Variants in ARHGAP6 observed in about 807,000 individuals in gnomAD.
ARHGAP6 encodes the protein Rho GTPase activating protein 6.
In ARHGAP6, 16 loss-of-function variants were observed where a neutral mutation model predicts 55.7. The ratio of observed to expected loss-of-function variants is 0.29; its 90% CI spans 0.19 to 0.44. ARHGAP6 has a LOEUF of 0.44. ARHGAP6 is among the 20% of genes least tolerant of loss of function. The probability of loss-of-function intolerance (pLI) is 1.00; values close to 1 mark genes in which losing one functional copy is unlikely to be tolerated. For missense variants in ARHGAP6, 698 were observed against 808.9 expected, an observed-to-expected ratio of 0.86 and a Z score of 1.66; for synonymous variants, 382 against 360.9, an observed-to-expected ratio of 1.06 and a Z score of -0.66.
intron 1 of ARHGAP6, among the ~76,000 whole-genome samples, chrX:11,362,520 G>C (rs1232151372): frequency 1.8e-5 from 2 of 109,738 alleles, no homozygotes; most frequent in Non-Finnish European, 3.8e-5. Context: ...TGGCGGAAGG[G>C]GGGAGGGTTA....
At chrX:11,250,469 G>A in intron 2 of ARHGAP6, among the ~76,000 whole-genome samples, 1 of 111,411 alleles carries the variant, frequency 9.0e-6, no homozygotes, top group East Asian at 2.8e-4. Context: ...TCATCTTACA[G>A]TTCTGGAGGC....
chrX:11,350,845 A>G (rs958743577), intron 1 of ARHGAP6, among the ~76,000 whole-genome samples: 6 of 110,602 alleles, frequency 5.4e-5, no homozygotes, highest in South Asian at 7.6e-4. Context: ...AATCTTTTTA[A>G]AGAAATTATG....
chrX:11,568,666 A>G (rs2051475437), intron 1 of ARHGAP6, among the ~76,000 whole-genome samples: 1 of 109,157 alleles, frequency 9.2e-6, no homozygotes, highest in Admixed American at 9.9e-5. Flanking sequence ...CCAAGACACG[A>G]GAATCTCTTG....
intron 1 of ARHGAP6, among the ~76,000 whole-genome samples, chrX:11,646,694 G>A (rs1313956123): frequency 8.9e-6 from 1 of 111,777 alleles, no homozygotes; most frequent in Non-Finnish European, 1.9e-5. Flanking sequence ...CAACTGGGGA[G>A]AGAAATAACA....
intron 1 of ARHGAP6, chrX:11,335,835 T>TAAAA (rs1569304653): frequency 3.4e-4 from 82 of 240,944 alleles, no homozygotes; most frequent in African/African-American, 2.1e-3. Flanking sequence ...GCAGAGGCCA[T>TAAAA]GGTGGGGAGG....
intron 1 of ARHGAP6, among the ~76,000 whole-genome samples, chrX:11,504,915 TCTC>T (rs1308880274): frequency 1.8e-5 from 2 of 112,429 alleles, no homozygotes; most frequent in Non-Finnish European, 3.8e-5. Context: ...TTTTTGTACT[TCTC>T]CTCCTTAGAC....
Position 11,157,852 on chromosome X carries a change from C to G in ARHGAP6, c.1810-1226G>C, listed in dbSNP as rs567757866. Among the ~76,000 whole-genome samples the G allele has an allele frequency of 2.7e-5, 3 of 112,000 alleles. No homozygotes were observed. In the South Asian group the frequency reaches 1.1e-3, roughly 42 times the overall value. ...TCTGTCTCTTACAAATCTGTTCCTC[C>G]TACTTTATCGTGAACCTTCATTAAT... On this transcript the variant is annotated intron_variant, in intron 9 of 12. Coordinates refer to ENST00000337414, the MANE Select transcript of ARHGAP6 (RefSeq NM_013427.3).
At chrX:11,630,114 T>G (rs2052344440) in intron 1 of ARHGAP6, among the ~76,000 whole-genome samples, 2 of 111,101 alleles carry the variant, frequency 1.8e-5, no homozygotes, top group South Asian at 7.7e-4. Flanking sequence ...GGAAAGCTTT[T>G]GGGATAGGAT....
At chrX:11,322,395 G>A (rs1172535262) in intron 1 of ARHGAP6, among the ~76,000 whole-genome samples, 1 of 110,051 alleles carries the variant, frequency 9.1e-6, no homozygotes, top group East Asian at 2.8e-4. Flanking sequence ...TTTCACTCTT[G>A]TTGTCCAGGC....
chrX:11,299,742 A>C (rs2048145334), intron 1 of ARHGAP6, among the ~76,000 whole-genome samples: 1 of 111,919 alleles, frequency 8.9e-6, no homozygotes, highest in African/African-American at 3.2e-5. Flanking sequence ...TATACATGTT[A>C]TTGATGATTT....
chrX:11,205,953 T>C (rs1318278543), intron 2 of ARHGAP6, among the ~76,000 whole-genome samples: 2 of 112,225 alleles, frequency 1.8e-5, no homozygotes, highest in Non-Finnish European at 1.9e-5. Flanking sequence ...AGCTATTAGA[T>C]AGACGAATAA....
intron 5 of ARHGAP6, among the ~76,000 whole-genome samples, chrX:11,183,851 T>C (rs1433431464): frequency 8.9e-6 from 1 of 112,430 alleles, no homozygotes; most frequent in Non-Finnish European, 1.9e-5. Flanking sequence ...GTACTTCCTT[T>C]GGGAGCATGA....
rs1186911862 is a variant in ARHGAP6 at position 11,138,843 on chromosome X, G to A, written c.*20C>T. 8.6e-7 allele frequency: 1 copy of A among 1,166,841 alleles called. No individual in the cohort carries two copies. Among genetic ancestry groups the A allele is most frequent in the African/African-American group, 1.8e-5 (1 of 56,884 alleles). ...GAGGGCGGGGGGCTCGGGGCAGGGG[G>A]GGCTCGGCTGGGTGCGGGCTCAGAC... On this transcript the variant is annotated 3_prime_UTR_variant, in exon 13 of 13. Transcript: ENST00000337414.
chrX:11,569,587 C>T (rs753361637), intron 1 of ARHGAP6, among the ~76,000 whole-genome samples: 3 of 111,942 alleles, frequency 2.7e-5, no homozygotes, highest in East Asian at 2.8e-4. Context: ...TGGACCACTG[C>T]GCATTTCCAT....
chrX:11,445,501 C>T (rs2050083965), intron 1 of ARHGAP6, among the ~76,000 whole-genome samples: 2 of 111,998 alleles, frequency 1.8e-5, no homozygotes, highest in African/African-American at 3.2e-5. Flanking sequence ...ACACACATTG[C>T]CCCTTCCCTC....
At chrX:11,468,066 G>A (rs1045041969) in intron 1 of ARHGAP6, among the ~76,000 whole-genome samples, 4 of 110,707 alleles carry the variant, frequency 3.6e-5, no homozygotes, top group Non-Finnish European at 7.6e-5. Context: ...TGGTGGTAGA[G>A]GTCAGAATAT....
chrX:11,512,072 C>T (rs149700214), intron 1 of ARHGAP6, among the ~76,000 whole-genome samples: 79 of 111,256 alleles, frequency 7.1e-4, no homozygotes, highest in Non-Finnish European at 1.3e-3. Context: ...GTGATCTGTC[C>T]GCCTTGGCCT....
At chrX:11,189,362 G>A (rs981511056) in intron 3 of ARHGAP6, among the ~76,000 whole-genome samples, 2 of 111,947 alleles carry the variant, frequency 1.8e-5, no homozygotes, top group African/African-American at 6.5e-5. Context: ...GTGGGTTGGG[G>A]TGAAGGAGTG....
At chrX:11,600,687 G>A (rs2051958166) in intron 1 of ARHGAP6, among the ~76,000 whole-genome samples, 1 of 112,498 alleles carries the variant, frequency 8.9e-6, no homozygotes, top group African/African-American at 3.2e-5. Context: ...GGATAACTCT[G>A]AGAGGTGTTC....
Sources: allele counts gnomAD v4.1 joint callset (sites outside exome capture counted in the v4.1 genomes callset), GRCh38; gene constraint gnomAD v4.1.1; transcripts MANE v1.5; gene names NCBI Gene and HGNC (gene_info 2026-07-23, HGNC 2026-07-21).